The following PARD3 variants were observed in gnomAD, a reference collection of about 807,000 sequenced individuals.
PARD3 encodes par-3 family cell polarity regulator.
PARD3 carries 75 observed loss-of-function variants against 155.4 expected under a neutral mutation model. That is an observed-to-expected ratio of 0.48 (90% CI 0.40 to 0.58). The LOEUF (loss-of-function observed/expected upper bound fraction) is 0.58, where lower values mean the gene tolerates loss of function less well. Ranked by LOEUF, PARD3 falls within the 20% of genes least tolerant of loss-of-function variation. PARD3 has a pLI of 0.00. For synonymous variants in PARD3, 576 were observed against 610.5 expected (o/e 0.94, Z 0.83); for missense variants, 1,642 against 1,721.7 (o/e 0.95, Z 0.82).
At chr10:34,541,244 C>T (rs745329918) in intron 2 of PARD3, among the ~76,000 whole-genome samples, 9 of 152,174 alleles carry the variant, frequency 5.9e-5, no homozygotes, top group East Asian at 1.9e-4. Context: ...ATATTTCACA[C>T]ATGGTATTTG....
At chr10:34,154,441 T>C (rs1438916019) in intron 22 of PARD3, among the ~76,000 whole-genome samples, 1 of 150,910 alleles carries the variant, frequency 6.6e-6, no homozygotes, top group African/African-American at 2.4e-5. Flanking sequence ...ACTCACTTAA[T>C]GATGCCTGGA....
At chr10:34,759,273 T>G (rs149049174) in intron 1 of PARD3, among the ~76,000 whole-genome samples, 22 of 152,164 alleles carry the variant, frequency 1.4e-4, no homozygotes, top group African/African-American at 5.3e-4. Flanking sequence ...TATTCACACG[T>G]GTAAATCTTT....
rs55740137 is a variant in PARD3 at position 34,176,947 on chromosome 10, T to TTGTGTGTG, written c.3420-45372_3420-45365dup. Among the ~76,000 whole-genome samples, 39 of 149,576 alleles carry TTGTGTGTG rather than the reference T, an allele frequency of 2.6e-4. 1 individual carries two copies. Among genetic ancestry groups the TTGTGTGTG allele is most frequent in the Non-Finnish European group, 4.2e-4 (28 of 67,232 alleles). On this transcript the variant is annotated intron_variant, in intron 22 of 24. Coordinates refer to ENST00000374788, the MANE Select transcript of PARD3 (RefSeq NM_001184785.2). ...AAAGTCCTTCCTTAGGAGAAGCAGG[T>TTGTGTGTG]TGTGTGTGTGTGTGTGTGTGTGTCA...
At chr10:34,332,692 G>A (rs1044997314) in intron 18 of PARD3, among the ~76,000 whole-genome samples, 1 of 152,142 alleles carries the variant, frequency 6.6e-6, no homozygotes, top group African/African-American at 2.4e-5. Flanking sequence ...TTCTAATGAA[G>A]AAATAATATT....
intron 1 of PARD3, among the ~76,000 whole-genome samples, chr10:34,791,679 C>T (rs771390245): frequency 5.9e-5 from 9 of 152,040 alleles, no homozygotes; most frequent in Non-Finnish European, 1.2e-4. Flanking sequence ...GATTCAAAAC[C>T]CCATCTCTAC....
chr10:34,518,471 G>A (rs2081929345), intron 2 of PARD3, among the ~76,000 whole-genome samples: 1 of 152,180 alleles, frequency 6.6e-6, no homozygotes, highest in African/African-American at 2.4e-5. Flanking sequence ...TCAAAAAGGG[G>A]TACTCAAAAA....
At chr10:34,416,794 T>TA (rs146083821) in intron 5 of PARD3, among the ~76,000 whole-genome samples, 3 of 152,150 alleles carry the variant, frequency 2.0e-5, no homozygotes, top group Non-Finnish European at 2.9e-5. Context: ...TAAATACCTT[T>TA]AAAAAAGATT....
At chr10:34,167,995 T>C (rs567393288) in intron 22 of PARD3, among the ~76,000 whole-genome samples, 9 of 152,190 alleles carry the variant, frequency 5.9e-5, no homozygotes, top group Non-Finnish European at 1.2e-4. Context: ...GAGGGTTATG[T>C]TGAAACATGA....
At chr10:34,623,675 A>G (rs1354636689) in intron 2 of PARD3, among the ~76,000 whole-genome samples, 1 of 152,116 alleles carries the variant, frequency 6.6e-6, no homozygotes, top group East Asian at 1.9e-4. Flanking sequence ...CTCCAGACAG[A>G]CCTGTTTAAC....
chr10:34,809,027 T>G (rs1431369117), intron 1 of PARD3, among the ~76,000 whole-genome samples: 1 of 152,188 alleles, frequency 6.6e-6, no homozygotes, highest in Non-Finnish European at 1.5e-5. Context: ...GAGGGTCCTC[T>G]GCTTGAGCTG....
At chr10:34,702,893 A>C (rs953571430) in intron 1 of PARD3, among the ~76,000 whole-genome samples, 1 of 152,204 alleles carries the variant, frequency 6.6e-6, no homozygotes, top group Non-Finnish European at 1.5e-5. Context: ...AAGAGAGAAC[A>C]AAACAAATAG....
intron 1 of PARD3, among the ~76,000 whole-genome samples, chr10:34,776,843 G>C (rs1839605369): frequency 1.6e-5 from 2 of 127,810 alleles, no homozygotes; most frequent in African/African-American, 5.9e-5. Context: ...TGTGGGGGGG[G>C]GGGGCGGGTG....
At chr10:34,675,849 TCA>T (rs149370270) in intron 2 of PARD3, 433 of 197,080 alleles carry the variant, frequency 2.2e-3, no homozygotes, top group South Asian at 4.3e-3. Flanking sequence ...TCCACCAACT[TCA>T]CACACACACA....
At chr10:34,737,897 G>A (rs186980411) in intron 1 of PARD3, among the ~76,000 whole-genome samples, 40 of 152,264 alleles carry the variant, frequency 2.6e-4, no homozygotes, top group African/African-American at 9.1e-4. Context: ...CGCTAGGGAC[G>A]CCTGGGCCCG....
chr10:34,281,118 C>T (rs1451095771), intron 21 of PARD3, among the ~76,000 whole-genome samples: 1 of 151,698 alleles, frequency 6.6e-6, no homozygotes, highest in Non-Finnish European at 1.5e-5. Context: ...GTATGGGAGG[C>T]TAAGTAGACC....
intron 20 of PARD3, among the ~76,000 whole-genome samples, chr10:34,303,162 A>ATTTTTT (rs5784409): frequency 1.5e-5 from 2 of 131,976 alleles, no homozygotes; most frequent in African/African-American, 6.0e-5. Flanking sequence ...GCCCAGGTGA[A>ATTTTTT]TTTTTTTTTT....
intron 22 of PARD3, among the ~76,000 whole-genome samples, chr10:34,243,120 C>T (rs151047991): frequency 2.0e-5 from 3 of 152,214 alleles, no homozygotes; most frequent in African/African-American, 7.2e-5. Flanking sequence ...AGTGAGAAAA[C>T]AATTTTATAT....
chr10:34,321,340 T>C (rs2134161192), intron 19 of PARD3, among the ~76,000 whole-genome samples: 1 of 152,318 alleles, frequency 6.6e-6, no homozygotes, highest in African/African-American at 2.4e-5. Context: ...ATCATAAATT[T>C]ACATTTAGAT....
At chr10:34,137,354 T>C (rs1235474581) in intron 22 of PARD3, among the ~76,000 whole-genome samples, 1 of 152,096 alleles carries the variant, frequency 6.6e-6, no homozygotes, top group African/African-American at 2.4e-5. Context: ...CTGTCAACAA[T>C]GACGGAAGCA....
Sources: allele counts gnomAD v4.1 joint callset (sites outside exome capture counted in the v4.1 genomes callset), GRCh38; gene constraint gnomAD v4.1.1; transcripts MANE v1.5; gene names NCBI Gene and HGNC (gene_info 2026-07-23, HGNC 2026-07-21).